Variants in SH3TC2 observed in about 807,000 individuals in gnomAD.
The protein encoded by SH3TC2 is SH3 domain and tetratricopeptide repeat-containing protein 2.
Under a neutral mutation model 124.5 loss-of-function variants are expected in SH3TC2, and 87 were observed. The ratio of observed to expected loss-of-function variants is 0.70; its 90% CI spans 0.59 to 0.84. SH3TC2 has a LOEUF of 0.84. Among genes scored for constraint, SH3TC2 ranks in the 40% least tolerant of loss-of-function variants. The pLI is 0.00. For missense variants in SH3TC2, 1,536 were observed against 1,566.4 expected (o/e 0.98, Z 0.33); for synonymous variants, 634 against 628.5 (o/e 1.01, Z -0.13).
chr5:149,061,295 C>A (rs892663137), intron 1 of SH3TC2, among the ~76,000 whole-genome samples: 1 of 152,076 alleles, frequency 6.6e-6, no homozygotes, highest in Non-Finnish European at 1.5e-5. Context: ...GGCTGAAGGA[C>A]GATGTCAACT....
intron 4 of SH3TC2, chr5:149,044,295 A>G (rs181463667): frequency 2.2e-6 from 1 of 463,334 alleles, no homozygotes; most frequent in African/African-American, 2.0e-5. Context: ...TATCTAATAA[A>G]AAAAGATCTC....
chr5:149,021,190 G>C (rs1036257560), intron 12 of SH3TC2, among the ~76,000 whole-genome samples: 2 of 152,068 alleles, frequency 1.3e-5, no homozygotes, highest in Non-Finnish European at 2.9e-5. Context: ...AATAACCAAT[G>C]AACTGAGTAA....
chr5:149,021,878 C>CCCTT (rs1753977000), intron 12 of SH3TC2, among the ~76,000 whole-genome samples: 4 of 37,320 alleles, frequency 1.1e-4, no homozygotes, highest in Non-Finnish European at 4.3e-5. Context: ...CCTTCACAAA[C>CCCTT]TCTTTCTTTT....
In SH3TC2 at chr5:149,001,858, C is replaced by T. The variant is rs771651312; in HGVS notation, c.*2853G>A. On this transcript the variant is annotated 3_prime_UTR_variant, in exon 17 of 17. Coordinates refer to ENST00000515425, the MANE Select transcript of SH3TC2 (RefSeq NM_024577.4). ...ACATGGATAGAAACAACGCTCTTCA[C>T]GTATGTGTGTGTATGTGTATGCATA... 1.3e-5 allele frequency: 2 copies of T among 152,142 alleles called. No individual in the cohort carries two copies. The highest frequency in any genetic ancestry group is 1.3e-4 in the Admixed American group (2 of 15,284). The allele number at this position is 152,142 out of a possible 1,614,324, so 9.4% of individuals were successfully genotyped here.
intron 16 of SH3TC2, among the ~76,000 whole-genome samples, chr5:149,005,581 A>T (rs1278585890): frequency 6.6e-6 from 1 of 152,104 alleles, no homozygotes; most frequent in African/African-American, 2.4e-5. Flanking sequence ...TGAACCACTT[A>T]CTGGGAGCTA....
In SH3TC2 at chr5:148,999,077, G is replaced by T. The variant is rs565468168; in HGVS notation, c.*5634C>A. ...TCATACCAAGCCATCCATACATCTC[G>T]TCTCAATTAAAAGTCTGAGCAGAGG... is the stretch of plus-strand genomic sequence containing the variant. On this transcript the variant is annotated 3_prime_UTR_variant, in exon 17 of 17. Transcript: ENST00000515425. Among the ~76,000 whole-genome samples, 22 of 152,274 alleles carry T rather than the reference G, an allele frequency of 1.4e-4. No individual in the cohort carries two copies. In the South Asian group the frequency reaches 4.6e-3, roughly 32 times the overall value.
intron 8 of SH3TC2, among the ~76,000 whole-genome samples, chr5:149,032,981 G>A (rs746721390): frequency 6.6e-6 from 1 of 152,100 alleles, no homozygotes; most frequent in Non-Finnish European, 1.5e-5. Flanking sequence ...TGATCCCAAA[G>A]TTTTATAGAT....
In SH3TC2 at chr5:149,001,622, T is replaced by C. The variant is rs1390390029; in HGVS notation, c.*3089A>G. ...AAATTTTAAACACTTTTTAAAAGAGTTTTAGCAAGCGGTTTACATATAGAA... is the reference window on the plus strand; with the variant it reads ...AAATTTTAAACACTTTTTAAAAGAGCTTTAGCAAGCGGTTTACATATAGAA... On this transcript the variant is annotated 3_prime_UTR_variant, in exon 17 of 17. Coordinates refer to ENST00000515425, the MANE Select transcript of SH3TC2 (RefSeq NM_024577.4). 1 of 152,110 alleles carries C rather than the reference T, an allele frequency of 6.6e-6. No individual in the cohort carries two copies. Among genetic ancestry groups the C allele is most frequent in the Non-Finnish European group, 1.5e-5 (1 of 68,026 alleles). The allele number at this position is 152,110 out of a possible 1,614,324, so 9.4% of individuals were successfully genotyped here. A position where few individuals can be genotyped will look rare whatever the true frequency, so the allele number is the denominator to read the frequency against.
At chr5:149,013,693 C>A (rs1272972361) in intron 12 of SH3TC2, among the ~76,000 whole-genome samples, 1 of 152,100 alleles carries the variant, frequency 6.6e-6, no homozygotes, top group African/African-American at 2.4e-5. Context: ...GAAAACTCTC[C>A]CTCCATGTCA....
chr5:149,031,508 C>A (rs947189154), intron 9 of SH3TC2, 46 bp downstream of exon 9: 59 of 1,613,522 alleles, frequency 3.7e-5, no homozygotes, highest in Non-Finnish European at 4.8e-5. Flanking sequence ...CTATCTTATT[C>A]TTGAGGACCC....
chr5:149,040,632 C>G lies in SH3TC2; in HGVS notation c.777G>C (p.Lys259Asn), dbSNP rs777996551. 5 of 1,614,180 alleles carry G rather than the reference C, an allele frequency of 3.1e-6. No homozygotes were observed. Among genetic ancestry groups the G allele is most frequent in the Non-Finnish European group, 4.2e-6 (5 of 1,180,004 alleles). Residue 259 changes from lysine (K) to asparagine (N), a missense_variant, in exon 7 of 17, where the codon AAG becomes AAC. Physicochemically the swap from Lys to Asn is moderately conservative, Grantham distance 94. Transcript: ENST00000515425. Reference sequence around the variant, plus strand: ...TCTGATAGGAGCCTGTCCAATCCCTCTTCCTGGAAAGGCCACAGCTTCCTG... The same window carrying G: ...TCTGATAGGAGCCTGTCCAATCCCTGTTCCTGGAAAGGCCACAGCTTCCTG... ...NYPGSCGLSR[K>N]RDWTGSYQIG...
intron 16 of SH3TC2, 142 bp from the exon 17 acceptor site, chr5:149,005,044 T>A: frequency 1.0e-6 from 1 of 977,678 alleles, no homozygotes; most frequent in Non-Finnish European, 1.6e-6. Context: ...CCCCATCTCC[T>A]GAGTCCTTAG....
intron 8 of SH3TC2, among the ~76,000 whole-genome samples, chr5:149,032,062 T>C (rs1316678257): frequency 1.3e-5 from 2 of 152,118 alleles, no homozygotes; most frequent in Admixed American, 6.5e-5. Context: ...TTGCCCTAAA[T>C]GGAAGGGTTG....
Position 148,987,746 on chromosome 5 carries a change from C to A in SH3TC2, c.*16965G>T, listed in dbSNP as rs1753354944. On this transcript the variant is annotated 3_prime_UTR_variant, in exon 17 of 17. Coordinates refer to ENST00000515425, the MANE Select transcript of SH3TC2 (RefSeq NM_024577.4). Reference sequence around the variant, plus strand: ...AAGAACAAAGCTGTGGTCACTCTCCCACCACTTAACAAGCATGGGAAGCTC... The same window carrying A: ...AAGAACAAAGCTGTGGTCACTCTCCAACCACTTAACAAGCATGGGAAGCTC... Among the ~76,000 whole-genome samples, 2 of 152,024 alleles carry A rather than the reference C, an allele frequency of 1.3e-5. No homozygotes were observed. The highest frequency in any genetic ancestry group is 2.1e-4 in the South Asian group (1 of 4,822).
rs900374245 is a variant in SH3TC2, at chr5:149,000,634, C to T, written c.*4077G>A. Among the ~76,000 whole-genome samples the T allele has an allele frequency of 2.0e-5, 3 of 152,124 alleles. No individual in the cohort carries two copies. Among genetic ancestry groups the T allele is most frequent in the African/African-American group, 7.2e-5 (3 of 41,394 alleles). On this transcript the variant is annotated 3_prime_UTR_variant, in exon 17 of 17. Coordinates refer to ENST00000515425, the MANE Select transcript of SH3TC2 (RefSeq NM_024577.4). Reference sequence around the variant, plus strand: ...TCTTTGGTGCATATCGTGATAAATGCATGCATACATACACACACGTGTACA... The same window carrying T: ...TCTTTGGTGCATATCGTGATAAATGTATGCATACATACACACACGTGTACA...
chr5:149,004,439 T>C lies in SH3TC2; in HGVS notation c.*272A>G, dbSNP rs928080570. On this transcript the variant is annotated 3_prime_UTR_variant, in exon 17 of 17. Transcript: ENST00000515425. ...TCTCCAGAATTATGTATGGAGAAAG[T>C]GCTTTTCAGAGGCTGTTTGTGTGGA... The C allele has an allele frequency of 1.9e-5, 9 of 473,404 alleles. No individual in the cohort carries two copies. The highest frequency in any genetic ancestry group is 1.7e-4 in the African/African-American group (9 of 51,696). The allele number at this position is 473,404 out of a possible 1,614,324, so 29.3% of individuals were successfully genotyped here.
In SH3TC2 at chr5:149,027,998, G is replaced by A. The variant is rs371655410; in HGVS notation, c.1734C>T (p.Ile578=). The part of the protein sequence containing the change: ...VATLYINLAA[I]YLKQRLRHKG... ...TATGTCTCAGCCTCTGTTTCAGGTA[G>A]ATGGCAGCCAAATTGATGTACAGAG... Residue 578 remains isoleucine (I), a synonymous_variant, in exon 11 of 17, where the codon ATC becomes ATT. Transcript: ENST00000515425. 4 of 1,614,072 alleles carry A rather than the reference G, an allele frequency of 2.5e-6. No homozygotes were observed. Among genetic ancestry groups the A allele is most frequent in the Non-Finnish European group, 3.4e-6 (4 of 1,180,050 alleles).
intron 12 of SH3TC2, 89 bp downstream of exon 12, chr5:149,026,483 A>G (rs1306496533): frequency 1.5e-5 from 23 of 1,513,316 alleles, no homozygotes; most frequent in Middle Eastern, 2.3e-4. Flanking sequence ...TATACCATGT[A>G]CATTTGGACT....
chr5:149,041,647 C>T (rs773402449), intron 5 of SH3TC2, 30 bp from the exon 6 acceptor site: 95 of 1,610,358 alleles, frequency 5.9e-5, no homozygotes, highest in Non-Finnish European at 7.6e-5. Flanking sequence ...CAATGGCTTT[C>T]TAAGGAGTAG....
Sources: gnomAD v4.1 joint callset for allele counts (sites outside exome capture counted in the v4.1 genomes callset) on GRCh38, gnomAD v4.1.1 for gene constraint, MANE v1.5 for transcripts, NCBI Gene and HGNC (gene_info 2026-07-23, HGNC 2026-07-21) for gene names.